Variants in USP36 observed in about 807,000 individuals in gnomAD.
USP36 encodes ubiquitin specific peptidase 36.
Under a neutral mutation model 111.5 loss-of-function variants are expected in USP36, and 59 were observed. The observed-to-expected ratio is 0.53, with a 90% CI of 0.43 to 0.66. The LOEUF (loss-of-function observed/expected upper bound fraction) is 0.66. USP36 is among the 30% of genes least tolerant of loss of function. The pLI is 0.00. For missense variants in USP36, 1,488 were observed against 1,468.0 expected, an observed-to-expected ratio of 1.01 and a Z score of -0.22; for synonymous variants, 628 against 581.0, an observed-to-expected ratio of 1.08 and a Z score of -1.16.
intron 6 of USP36, 40 bp from the exon 7 acceptor site, chr17:78,822,044 A>C (rs774490966): frequency 6.2e-7 from 1 of 1,612,216 alleles, no homozygotes; most frequent in East Asian, 2.2e-5. Flanking sequence ...AGGGCTCAGC[A>C]AGATGACACG....
chr17:78,803,401 C>G lies in USP36; in HGVS notation c.2794G>C (p.Asp932His). The change falls in exon 16 of 21, where the codon GAC (aspartate) becomes CAC (histidine). Residue 932 changes from aspartate (D) to histidine (H), a missense_variant. Asp to His is a moderately conservative substitution (Grantham distance 81). Around this residue, in one of 3 missense-constraint regions of USP36, gnomAD observed 1,073 missense variants for 994.1 expected, o/e 1.08. Transcript: ENST00000449938. This position sits in a 1 kb window ranked among gnomAD's most constrained non-coding sequence, Gnocchi z 4.6. Reference protein sequence around the residue: ...GLGEEGGLHQDPLRHSCSPMG... With the variant: ...GLGEEGGLHQHPLRHSCSPMG... ...TGCCCTTACCTGTGCCGAAGTGGGT[C>G]CTGGTGCAGGCCGCCTTCTTCACCA... is the stretch of plus-strand genomic sequence containing the variant. The G allele has an allele frequency of 6.2e-7, 1 of 1,613,606 alleles. No homozygotes were observed. The highest frequency in any genetic ancestry group is 8.5e-7 in the Non-Finnish European group (1 of 1,179,694).
chr17:78,834,606 C>A (rs1362453946), intron 4 of USP36, among the ~76,000 whole-genome samples: 1 of 151,990 alleles, frequency 6.6e-6, no homozygotes. Flanking sequence ...CCCATCACGC[C>A]TAATTTTTAT....
chr17:78,827,622 G>C (rs1225759626), intron 5 of USP36, among the ~76,000 whole-genome samples: 1 of 152,154 alleles, frequency 6.6e-6, no homozygotes, highest in Non-Finnish European at 1.5e-5. Context: ...TAAAATGCCG[G>C]CTGGGTGAGG....
At chr17:78,807,686 C>T (rs745838315) in intron 13 of USP36, 50 bp from the exon 14 acceptor site, 1 of 1,493,210 alleles carries the variant, frequency 6.7e-7, no homozygotes, top group Non-Finnish European at 8.9e-7. Context: ...GAAGTCTCAG[C>T]TGGGCCACAT....
In USP36 at chr17:78,796,496, TAAG is replaced by T. The variant is rs2093630740; in HGVS notation, c.*1401_*1403del. On this transcript the variant is annotated 3_prime_UTR_variant, in exon 21 of 21. Transcript: ENST00000449938. Reference sequence around the variant, plus strand: ...GGAGCTTGATTCTCTCCCACCCTTCTAAGAAGAGAAACGTAAAAACAGAAGAAA... The same window carrying T: ...GGAGCTTGATTCTCTCCCACCCTTCTAAGAGAAACGTAAAAACAGAAGAAA... 6.6e-6 allele frequency: 1 copy of T among 152,028 alleles called. No individual in the cohort carries two copies. Among genetic ancestry groups the T allele is most frequent in the African/African-American group, 2.4e-5 (1 of 41,370 alleles). 9.4% of individuals were successfully genotyped at this position (152,028 alleles called of 1,614,324 possible).
intron 8 of USP36, among the ~76,000 whole-genome samples, chr17:78,820,783 A>AT (rs1372029639): frequency 2.0e-5 from 3 of 151,998 alleles, no homozygotes; most frequent in Non-Finnish European, 2.9e-5. Flanking sequence ...CAATTTTACC[A>AT]TTTTTTTCTT....
chr17:78,838,552 G>A (rs570681644), intron 2 of USP36, 35 bp downstream of exon 2: 8 of 152,152 alleles, frequency 5.3e-5, no homozygotes, highest in Non-Finnish European at 1.0e-4. Flanking sequence ...CAATTCAACG[G>A]AATCAAAAAA....
intron 14 of USP36, 111 bp from the exon 15 acceptor site, chr17:78,806,397 A>G: frequency 6.8e-7 from 1 of 1,464,150 alleles, no homozygotes; most frequent in Non-Finnish European, 9.2e-7. Flanking sequence ...GAGCCCAGAA[A>G]AAAAGATGAG....
rs140438817 is a variant in USP36, at chr17:78,818,725, T to C, written c.965A>G (p.Asn322Ser). 79 of 1,613,840 alleles carry C rather than the reference T, an allele frequency of 4.9e-5. No individual in the cohort carries two copies. In the African/African-American group the frequency reaches 4.9e-4, roughly 10 times the overall value. Residue 322 changes from asparagine (N) to serine (S), a missense_variant, in exon 10 of 21, where the codon AAC becomes AGC. Asn to Ser is a conservative substitution (Grantham distance 46). Coordinates refer to ENST00000449938, the MANE Select transcript of USP36 (RefSeq NM_001385174.1). ...SKRFTIHRTSNVLTLSLKRFA... is the reference protein window; with the variant it reads ...SKRFTIHRTSSVLTLSLKRFA... ...GCGCTTGAGGGAAAGGGTTAAGACG[T>C]TGGATGTTCTGTGGATGGTGAAGCG...
At chr17:78,802,263 T>TG in intron 17 of USP36, 61 bp downstream of exon 17, 1 of 1,302,976 alleles carries the variant, frequency 7.7e-7, no homozygotes, top group Non-Finnish European at 9.9e-7. Flanking sequence ...ACCCATGCGG[T>TG]CCCCCAACCC....
At chr17:78,821,412 A>AT (rs2094323813) in intron 7 of USP36, 1 of 63,820 alleles carries the variant, frequency 1.6e-5, no homozygotes, top group African/African-American at 8.7e-5. Flanking sequence ...ATATATATAT[A>AT]TATATATATT....
chr17:78,810,810 G>A (rs1367847425), intron 13 of USP36, among the ~76,000 whole-genome samples: 4 of 152,138 alleles, frequency 2.6e-5, no homozygotes, highest in African/African-American at 7.2e-5. Flanking sequence ...AGAGGAAGAC[G>A]ATCCATCAAA....
intron 7 of USP36, 112 bp from the exon 8 acceptor site, chr17:78,821,173 T>C: frequency 1.1e-5 from 11 of 1,033,102 alleles, no homozygotes; most frequent in South Asian, 1.6e-5. Context: ...TGGCCAAAGA[T>C]GAGATTCCCA....
rs200324750 is a variant in USP36 at position 78,818,773 on chromosome 17, T to C, written c.917A>G (p.Lys306Arg). Residue 306 changes from lysine (K) to arginine (R), a missense_variant, in exon 10 of 21, where the codon AAG (lysine) becomes AGG (arginine). By Grantham distance (26) the Lys-to-Arg change is conservative. Around this residue, in one of 3 missense-constraint regions of USP36, gnomAD observed 196 missense variants for 264.4 expected, o/e 0.74. Transcript: ENST00000449938. ...GENAYMCAKC[K>R]KKVPASKRFT... ...GCGCTTGCTGGCTGGAACCTTCTTCTTGCATCTATGAAGAAGGTGATGAGA... is the reference window on the plus strand; with the variant it reads ...GCGCTTGCTGGCTGGAACCTTCTTCCTGCATCTATGAAGAAGGTGATGAGA... 706 of 1,613,544 alleles carry C rather than the reference T, an allele frequency of 4.4e-4. 1 individual carries two copies. Among genetic ancestry groups the C allele is most frequent in the Non-Finnish European group, 5.2e-4 (609 of 1,179,622 alleles).
In USP36 at chr17:78,832,077, T is replaced by C. The variant is rs559190722; in HGVS notation, c.476-3070A>G. 4.6e-5 allele frequency among the ~76,000 whole-genome samples: 7 copies of C among 152,278 alleles called. No individual in the cohort carries two copies. In the East Asian group the frequency reaches 5.8e-4, roughly 13 times the overall value. ...TGGCACATGGACAAATATTTATTCATGTAATTTAGGAAAATATAACTCAAA... is the reference window on the plus strand; with the variant it reads ...TGGCACATGGACAAATATTTATTCACGTAATTTAGGAAAATATAACTCAAA... On this transcript the variant is annotated intron_variant, in intron 4 of 20. Transcript: ENST00000449938.
Position 78,806,161 on chromosome 17 carries a change from T to G in USP36, c.2211A>C (p.Arg737Ser). The G allele has an allele frequency of 1.2e-6, 2 of 1,613,370 alleles. No individual in the cohort carries two copies. Among genetic ancestry groups the G allele is most frequent in the Non-Finnish European group, 1.7e-6 (2 of 1,179,910 alleles). ...PVVASTWPVH[R>S]ARAVSPAPQS... ...GATCCCGGCCCAAAGCTTACCTGGC[T>G]CTATGGACGGGCCAAGTGGAGGCAA... is the stretch of plus-strand genomic sequence containing the variant. The change falls in exon 15 of 21, where the codon AGA (arginine) becomes AGC (serine). Residue 737 changes from arginine (R) to serine (S), a missense_variant. This residue lies in a region of USP36 where 1,073 missense variants were observed against 994.1 expected (regional missense o/e 1.08). Transcript: ENST00000449938.
chr17:78,805,963 C>G (rs987487871), intron 15 of USP36, among the ~76,000 whole-genome samples, 193 bp downstream of exon 15: 7 of 152,148 alleles, frequency 4.6e-5, no homozygotes, highest in African/African-American at 1.7e-4. Context: ...CCTTCACCAC[C>G]CAAAGCTCCT....
chr17:78,801,503 C>T (rs758730913), intron 17 of USP36, among the ~76,000 whole-genome samples: 1 of 152,242 alleles, frequency 6.6e-6, no homozygotes, highest in East Asian at 1.9e-4. Flanking sequence ...GCCCCCTATA[C>T]CAAGCAGCCA....
rs182609053 is a variant in USP36, at chr17:78,808,401, C to A, written c.1408-765G>T. 2.0e-5 allele frequency among the ~76,000 whole-genome samples: 3 copies of A among 152,234 alleles called. No individual in the cohort carries two copies. In the East Asian group the frequency reaches 5.8e-4, roughly 29 times the overall value. ...AACTGGCTAGGACTATAGGAGTAGA[C>A]CACCACACCCGAATAATTATTACTA... is the stretch of plus-strand genomic sequence containing the variant. On this transcript the variant is annotated intron_variant, in intron 13 of 20. Transcript: ENST00000449938.
Sources: gnomAD v4.1 joint callset for allele counts (sites outside exome capture counted in the v4.1 genomes callset) on GRCh38, gnomAD v4.1.1 for gene constraint, gnomAD v4.1.1 regional missense constraint, Gnocchi (gnomAD v3.1) non-coding constraint, MANE v1.5 for transcripts, NCBI Gene and HGNC (gene_info 2026-07-23, HGNC 2026-07-21) for gene names.